The following DCAF8L2 variants were observed in gnomAD, a reference collection of about 807,000 sequenced individuals.
The protein encoded by DCAF8L2 is DDB1 and CUL4 associated factor 8 like 2.
For missense variants in DCAF8L2, 430 were observed against 490.7 expected, an observed-to-expected ratio of 0.88 and a Z score of 1.17; for synonymous variants, 200 against 190.9, an observed-to-expected ratio of 1.05 and a Z score of -0.39.
At chrX:27,476,188 G>A in the DCAF8L2 span, among the ~76,000 whole-genome samples, 2 of 109,905 alleles carry the variant, frequency 1.8e-5, no homozygotes, top group East Asian at 2.9e-4. Context: ...TTATGTAACC[G>A]AGACTACTTG....
At chrX:27,494,069 T>C in the DCAF8L2 span, among the ~76,000 whole-genome samples, 1 of 111,938 alleles carries the variant, frequency 8.9e-6, no homozygotes. Context: ...ACCTTCACTT[T>C]CCAAGTCTTT....
At chrX:27,573,284 G>T in the DCAF8L2 span, among the ~76,000 whole-genome samples, 3 of 92,490 alleles carry the variant, frequency 3.2e-5, no homozygotes, top group Non-Finnish European at 6.6e-5. Flanking sequence ...ACACACACAC[G>T]GAGAGAGACA....
the DCAF8L2 span, among the ~76,000 whole-genome samples, chrX:27,496,834 T>A: frequency 8.9e-6 from 1 of 112,218 alleles, no homozygotes; most frequent in East Asian, 2.8e-4. Flanking sequence ...TGACGGCAAC[T>A]TTTTTCGTTC....
the DCAF8L2 span, among the ~76,000 whole-genome samples, chrX:27,494,639 A>G: frequency 9.0e-6 from 1 of 111,417 alleles, no homozygotes; most frequent in African/African-American, 3.3e-5. Flanking sequence ...TTTTAAAATA[A>G]TTGTGCTTTT....
the DCAF8L2 span, among the ~76,000 whole-genome samples, chrX:27,572,328 C>G: frequency 9.0e-6 from 1 of 111,449 alleles, no homozygotes; most frequent in Non-Finnish European, 1.9e-5. Flanking sequence ...ATAGTTAGCT[C>G]AGCCAGGGAC....
the DCAF8L2 span, among the ~76,000 whole-genome samples, chrX:27,538,865 C>CTT: frequency 8.9e-6 from 1 of 112,069 alleles, no homozygotes; most frequent in African/African-American, 3.2e-5. Flanking sequence ...AAATCCGCCA[C>CTT]AGAAGAGACA....
At chrX:27,695,680 T>G (rs1273742756) in intron 3 of DCAF8L2, among the ~76,000 whole-genome samples, 1 of 111,552 alleles carries the variant, frequency 9.0e-6, no homozygotes, top group Non-Finnish European at 1.9e-5. Context: ...ATAATAACCT[T>G]CTCTATAATT....
rs746997258 is a variant in DCAF8L2, at chrX:27,619,522, G to T, written c.-341-12357G>T. Among the ~76,000 whole-genome samples, 8 of 111,643 alleles carry T rather than the reference G, an allele frequency of 7.2e-5. No individual in the cohort carries two copies. In the East Asian group the frequency reaches 2.0e-3, roughly 28 times the overall value. On this transcript the variant is annotated intron_variant, in intron 1 of 4. Transcript: ENST00000451261. ...AGGTTCTCCCTCCACATCTGATGCT[G>T]GAGCATAAGCAGACCTGACACTCCA...
At position 27,746,855 on chromosome X, in the gene DCAF8L2, C is replaced by T. The variant is rs768618306; in HGVS notation, c.-41C>T. 2 of 1,145,554 alleles carry T rather than the reference C, an allele frequency of 1.7e-6. No individual in the cohort carries two copies. Among genetic ancestry groups the T allele is most frequent in the East Asian group, 3.0e-5 (1 of 33,134 alleles). 94.4% of individuals were successfully genotyped at this position (1,145,554 alleles called of 1,213,427 possible). ...CTTCCCAGAGCTTTTAGGGGCCTGG[C>T]CTTTGCAGTTCCAGATCTACTACAG... On this transcript the variant is annotated 5_prime_UTR_variant, in exon 5 of 5. Coordinates refer to ENST00000451261, the MANE Select transcript of DCAF8L2 (RefSeq NM_001353450.2).
At chrX:27,685,531 A>C (rs1489100732) in intron 3 of DCAF8L2, among the ~76,000 whole-genome samples, 6 of 112,043 alleles carry the variant, frequency 5.4e-5, no homozygotes, top group Non-Finnish European at 9.4e-5. Flanking sequence ...ATTCGTAGTC[A>C]GAGGAATAAA....
intron 2 of DCAF8L2, among the ~76,000 whole-genome samples, chrX:27,658,111 T>C (rs1335893507): frequency 1.8e-5 from 2 of 112,691 alleles, no homozygotes; most frequent in Non-Finnish European, 3.7e-5. Context: ...TCTGAAACAT[T>C]TGTTTTCAGA....
the DCAF8L2 span, among the ~76,000 whole-genome samples, chrX:27,540,727 T>C: frequency 8.9e-6 from 1 of 111,783 alleles, no homozygotes; most frequent in Non-Finnish European, 1.9e-5. Context: ...TTTTGAATGT[T>C]CTCAACACAA....
chrX:27,726,899 A>G (rs1932089453), intron 4 of DCAF8L2, among the ~76,000 whole-genome samples: 1 of 111,630 alleles, frequency 9.0e-6, no homozygotes, highest in Non-Finnish European at 1.9e-5. Flanking sequence ...TTTCATGCGC[A>G]TATGTGTGCT....
chrX:27,522,146 A>G, the DCAF8L2 span, among the ~76,000 whole-genome samples: 2 of 109,400 alleles, frequency 1.8e-5, no homozygotes, highest in African/African-American at 3.3e-5. Flanking sequence ...TCCTGCCTCA[A>G]CCTCCCGAGT....
intron 2 of DCAF8L2, among the ~76,000 whole-genome samples, chrX:27,673,619 CTT>C (rs1930037592): frequency 9.3e-6 from 1 of 107,308 alleles, no homozygotes; most frequent in South Asian, 4.0e-4. Flanking sequence ...TTTGAGCTAC[CTT>C]ATATATACAT....
the DCAF8L2 span, among the ~76,000 whole-genome samples, chrX:27,549,986 C>T: frequency 8.9e-6 from 1 of 112,201 alleles, no homozygotes; most frequent in Non-Finnish European, 1.9e-5. Context: ...TTGGCTGATG[C>T]TTCTGTTGCA....
the DCAF8L2 span, among the ~76,000 whole-genome samples, chrX:27,491,264 T>G: frequency 1.8e-5 from 2 of 112,648 alleles, no homozygotes; most frequent in Non-Finnish European, 3.7e-5. Flanking sequence ...ATTTTGTTTA[T>G]GATCTATTTT....
At chrX:27,727,690 C>T (rs747197515) in intron 4 of DCAF8L2, among the ~76,000 whole-genome samples, 1 of 111,444 alleles carries the variant, frequency 9.0e-6, no homozygotes, top group Non-Finnish European at 1.9e-5. Flanking sequence ...CATATAAACA[C>T]CGTGCTAAAA....
At chrX:27,700,935 A>C (rs5926865) in intron 3 of DCAF8L2, among the ~76,000 whole-genome samples, 55,903 of 109,926 alleles carry the variant, frequency 0.51, 10,720 homozygotes, top group African/African-American at 0.67. Context: ...ACAGATTAAA[A>C]TTCCTTGTAA....
Sources: gnomAD v4.1 joint callset for allele counts (sites outside exome capture counted in the v4.1 genomes callset) on GRCh38, gnomAD v4.1.1 for gene constraint, MANE v1.5 for transcripts, NCBI Gene and HGNC (gene_info 2026-07-23, HGNC 2026-07-21) for gene names.